The following FNTB variants were observed in gnomAD, a reference collection of about 807,000 sequenced individuals.
FNTB encodes farnesyltransferase, CAAX box, subunit beta.
FNTB carries 27 observed loss-of-function variants against 59.4 expected under a neutral mutation model. The ratio of observed to expected loss-of-function variants is 0.45; its 90% CI spans 0.34 to 0.63. The LOEUF is 0.63. FNTB is among the 20% of genes least tolerant of loss of function. FNTB has a pLI of 0.02. For missense variants in FNTB, 449 were observed against 559.6 expected (o/e 0.80, Z 1.99); for synonymous variants, 230 against 220.7 (o/e 1.04, Z -0.37).
At position 65,028,215 on chromosome 14, in the gene FNTB, A is replaced by G. The variant is rs188347928; in HGVS notation, c.605+434A>G. 6.4e-4 allele frequency among the ~76,000 whole-genome samples: 97 copies of G among 152,326 alleles called. 1 individual carries two copies. Among genetic ancestry groups the G allele is most frequent in the African/African-American group, 2.3e-3 (95 of 41,572 alleles). ...AATCCCTGAGGTCCTCCTGAGGCAC[A>G]TGAGAGTTTTTCTGGGAGGTGCAGA... On this transcript the variant is annotated intron_variant, in intron 6 of 11. Coordinates refer to ENST00000246166, the MANE Select transcript of FNTB (RefSeq NM_002028.4). The surrounding 1 kb of genome is among the most constrained non-coding windows in gnomAD (Gnocchi z 4.4).
intron 7 of FNTB, among the ~76,000 whole-genome samples, 185 bp from the exon 8 acceptor site, chr14:65,040,605 T>A (rs975433275): frequency 4.3e-5 from 3 of 69,802 alleles, no homozygotes; most frequent in Non-Finnish European, 7.5e-5. Flanking sequence ...CAGGCCCAGC[T>A]TTTTTTTTTT....
In FNTB at chr14:65,031,163, G is replaced by A. The variant is rs1485582629; in HGVS notation, c.606-1447G>A. ...CAATGATTTTTGTCTTCCCTGTGCC[G>A]GGTATTTGAAAAAACCATAGAGGGG... On this transcript the variant is annotated intron_variant, in intron 6 of 11. Transcript: ENST00000246166. The surrounding 1 kb of genome is among the most constrained non-coding windows in gnomAD (Gnocchi z 4.6). Among the ~76,000 whole-genome samples the A allele has an allele frequency of 2.0e-5, 3 of 151,946 alleles. No homozygotes were observed. Among genetic ancestry groups the A allele is most frequent in the African/African-American group, 7.3e-5 (3 of 41,350 alleles).
intron 8 of FNTB, among the ~76,000 whole-genome samples, chr14:65,042,907 G>A (rs1454954468): frequency 1.3e-5 from 2 of 152,180 alleles, no homozygotes; most frequent in Non-Finnish European, 2.9e-5. Context: ...GGATATATTA[G>A]TACCTGAACC....
At chr14:65,037,402 C>CTTTTT (rs765037575) in intron 7 of FNTB, among the ~76,000 whole-genome samples, 10 of 14,532 alleles carry the variant, frequency 6.9e-4, no homozygotes, top group Non-Finnish European at 1.2e-3. Context: ...CACGCCGGGC[C>CTTTTT]CTTTTTTTTT....
Position 65,028,307 on chromosome 14 carries a change from G to A in FNTB, c.605+526G>A, listed in dbSNP as rs561616456. On this transcript the variant is annotated intron_variant, in intron 6 of 11. Transcript: ENST00000246166. The surrounding 1 kb of genome is among the most constrained non-coding windows in gnomAD (Gnocchi z 4.4). ...TTAACTGATTGGTGCCAGTTAGCTC[G>A]AAATTATTATTTTCTTCCATAAGTG... Among the ~76,000 whole-genome samples the A allele has an allele frequency of 2.6e-5, 4 of 152,264 alleles. No homozygotes were observed. Among genetic ancestry groups the A allele is most frequent in the African/African-American group, 4.8e-5 (2 of 41,542 alleles).
rs2062041157 is a variant in FNTB at position 65,029,512 on chromosome 14, T to TA, written c.605+1737dup. 6.6e-6 allele frequency among the ~76,000 whole-genome samples: 1 copy of TA among 152,236 alleles called. No individual in the cohort carries two copies. Among genetic ancestry groups the TA allele is most frequent in the Non-Finnish European group, 1.5e-5 (1 of 68,032 alleles). On this transcript the variant is annotated intron_variant, in intron 6 of 11. Transcript: ENST00000246166. This position sits in a 1 kb window ranked among gnomAD's most constrained non-coding sequence, Gnocchi z 4.7. Reference sequence around the variant, plus strand: ...AAGGGTCTGTAGTTCCAGTGTATTGTAAAAAATCAAATCACAGTGAACTCA... The same window carrying TA: ...AAGGGTCTGTAGTTCCAGTGTATTGTAAAAAAATCAAATCACAGTGAACTCA...
At position 65,014,190 on chromosome 14, in the gene FNTB, T is replaced by G. The variant is rs1183084235; in HGVS notation, c.283-1435T>G. Reference sequence around the variant, plus strand: ...TTATAATCTGAAAAAGGTTAATCTTTGGACCTCATTTATATATTTTAATTT... The same window carrying G: ...TTATAATCTGAAAAAGGTTAATCTTGGGACCTCATTTATATATTTTAATTT... On this transcript the variant is annotated intron_variant, in intron 3 of 11. Transcript: ENST00000246166. The surrounding 1 kb of genome is among the most constrained non-coding windows in gnomAD (Gnocchi z 5.1). Among the ~76,000 whole-genome samples the G allele has an allele frequency of 6.6e-6, 1 of 152,252 alleles. No individual in the cohort carries two copies. Among genetic ancestry groups the G allele is most frequent in the East Asian group, 1.9e-4 (1 of 5,204 alleles).
intron 1 of FNTB, among the ~76,000 whole-genome samples, chr14:64,989,513 G>A (rs1349290662): frequency 6.6e-6 from 1 of 150,384 alleles, no homozygotes; most frequent in Non-Finnish European, 1.5e-5. Flanking sequence ...GTCTATTTAA[G>A]ATGAAAGCTT....
intron 7 of FNTB, among the ~76,000 whole-genome samples, chr14:65,037,776 ATTTAT>A (rs2062245653): frequency 4.2e-5 from 6 of 142,968 alleles, no homozygotes; most frequent in Non-Finnish European, 9.1e-5. Context: ...TTATTTATTT[ATTTAT>A]TTATTTATTT....
rs139320557 is a variant in FNTB, at chr14:64,993,632, G to A, written c.144+6535G>A. On this transcript the variant is annotated intron_variant, in intron 1 of 11. Transcript: ENST00000246166. ...GCAGCTTCAATGACATGAATCTTAG[G>A]CAGCAAATCTACTTTCTGAAACATT... 1.1e-3 allele frequency among the ~76,000 whole-genome samples: 163 copies of A among 152,152 alleles called. 8 individuals carry two copies. In the South Asian group the frequency reaches 0.022, roughly 21 times the overall value.
chr14:65,032,556 G>C lies in FNTB; in HGVS notation c.606-54G>C. ...GCAGTCCGCCCGCGGAGTTCACTGAGCCTCATTAGCTCTTCCGTAGAGCTT... is the reference window on the plus strand; with the variant it reads ...GCAGTCCGCCCGCGGAGTTCACTGACCCTCATTAGCTCTTCCGTAGAGCTT... On this transcript the variant is annotated intron_variant, in intron 6 of 11. Transcript: ENST00000246166. The surrounding 1 kb of genome is among the most constrained non-coding windows in gnomAD (Gnocchi z 5.0). 6.3e-7 allele frequency: 1 copy of C among 1,598,510 alleles called. No individual in the cohort carries two copies. The highest frequency in any genetic ancestry group is 8.5e-7 in the Non-Finnish European group (1 of 1,173,498).
At position 65,009,686 on chromosome 14, in the gene FNTB, CT is replaced by C. The variant is rs1487607277; in HGVS notation, c.210-2630del. ...TTTGCATTTCTAATGTGGAATTTCT[CT>C]GCTTACTGCCTTGTACTTTTGATCC... On this transcript the variant is annotated intron_variant, in intron 2 of 11. Coordinates refer to ENST00000246166, the MANE Select transcript of FNTB (RefSeq NM_002028.4). This position sits in a 1 kb window ranked among gnomAD's most constrained non-coding sequence, Gnocchi z 4.2. Among the ~76,000 whole-genome samples, 4 of 152,152 alleles carry C rather than the reference CT, an allele frequency of 2.6e-5. No individual in the cohort carries two copies. The highest frequency in any genetic ancestry group is 5.9e-5 in the Non-Finnish European group (4 of 68,022).
intron 7 of FNTB, among the ~76,000 whole-genome samples, chr14:65,037,387 G>A (rs1175479963): frequency 3.1e-5 from 4 of 129,096 alleles, no homozygotes; most frequent in African/African-American, 6.1e-5. Flanking sequence ...ATAGGCGTGA[G>A]CCACCACGCC....
chr14:65,048,813 G>A (rs2062544113), intron 9 of FNTB, among the ~76,000 whole-genome samples: 1 of 152,010 alleles, frequency 6.6e-6, no homozygotes, highest in South Asian at 2.1e-4. Context: ...GAGTGCCACT[G>A]CAACTCCAGC....
chr14:65,024,257 A>C (rs2061940619), intron 4 of FNTB, among the ~76,000 whole-genome samples: 1 of 152,218 alleles, frequency 6.6e-6, no homozygotes, highest in Non-Finnish European at 1.5e-5. Context: ...GTTTAAAAAA[A>C]ATACTGCCAC....
chr14:65,012,301 C>G lies in FNTB; in HGVS notation c.210-16C>G. The G allele has an allele frequency of 6.2e-7, 1 of 1,614,038 alleles. No homozygotes were observed. Among genetic ancestry groups the G allele is most frequent in the Non-Finnish European group, 8.5e-7 (1 of 1,179,906 alleles). On this transcript the variant is annotated splice_polypyrimidine_tract_variant and intron_variant, in intron 2 of 11. Transcript: ENST00000246166. The surrounding 1 kb of genome is among the most constrained non-coding windows in gnomAD (Gnocchi z 5.0). ...TAAGCTATTAGAATGGGCTTATAAA[C>G]TGTTTGTCTTTCCAGGCTTGTTTTG... is the stretch of plus-strand genomic sequence containing the variant.
intron 9 of FNTB, among the ~76,000 whole-genome samples, chr14:65,048,828 G>A (rs1311893073): frequency 6.6e-6 from 1 of 151,936 alleles, no homozygotes; most frequent in Non-Finnish European, 1.5e-5. Context: ...TCCAGCCTGA[G>A]CGACAGAGCA....
intron 11 of FNTB, among the ~76,000 whole-genome samples, chr14:65,056,063 C>T (rs2062729564): frequency 6.6e-6 from 1 of 152,102 alleles, no homozygotes; most frequent in African/African-American, 2.4e-5. Flanking sequence ...TGTTTTTGTG[C>T]TATTGCTACA....
rs2062084583 is a variant in FNTB at position 65,031,576 on chromosome 14, A to G, written c.606-1034A>G. On this transcript the variant is annotated intron_variant, in intron 6 of 11. Coordinates refer to ENST00000246166, the MANE Select transcript of FNTB (RefSeq NM_002028.4). This position sits in a 1 kb window ranked among gnomAD's most constrained non-coding sequence, Gnocchi z 4.6. ...CGTGATCCACCTGCCTCAGCCTCCCAAAGTGCTGGGATTACAGGCATGAGC... is the reference window on the plus strand; with the variant it reads ...CGTGATCCACCTGCCTCAGCCTCCCGAAGTGCTGGGATTACAGGCATGAGC... Among the ~76,000 whole-genome samples the G allele has an allele frequency of 6.6e-6, 1 of 152,062 alleles. No individual in the cohort carries two copies. Among genetic ancestry groups the G allele is most frequent in the Non-Finnish European group, 1.5e-5 (1 of 67,986 alleles).
Sources: allele counts gnomAD v4.1 joint callset (sites outside exome capture counted in the v4.1 genomes callset), GRCh38; gene constraint gnomAD v4.1.1; non-coding constraint Gnocchi (gnomAD v3.1); transcripts MANE v1.5; gene names NCBI Gene and HGNC (gene_info 2026-07-23, HGNC 2026-07-21).